The following PPFIA2 variants were observed in gnomAD, a reference collection of about 807,000 sequenced individuals.
PPFIA2 encodes liprin-alpha-2.
Under a neutral mutation model 175.5 loss-of-function variants are expected in PPFIA2, and 46 were observed. The ratio of observed to expected loss-of-function variants is 0.26; its 90% CI spans 0.21 to 0.34. The LOEUF (loss-of-function observed/expected upper bound fraction) is 0.34, where lower values mean the gene tolerates loss of function less well. Among genes scored for constraint, PPFIA2 ranks in the 10% least tolerant of loss-of-function variants. The probability of loss-of-function intolerance (pLI) is 1.00; values close to 1 mark genes in which losing one functional copy is unlikely to be tolerated. For missense variants in PPFIA2, 1,179 were observed against 1,506.1 expected (o/e 0.78, Z 3.60); for synonymous variants, 568 against 511.4 (o/e 1.11, Z -1.49).
At chr12:81,350,221 C>CT (rs1299811239) in intron 17 of PPFIA2, among the ~76,000 whole-genome samples, 1 of 152,102 alleles carries the variant, frequency 6.6e-6, no homozygotes, top group Non-Finnish European at 1.5e-5. Context: ...CGACCATTAG[C>CT]TGAACAGCCT....
At chr12:81,329,354 C>A (rs1490678923) in intron 21 of PPFIA2, among the ~76,000 whole-genome samples, 2 of 152,132 alleles carry the variant, frequency 1.3e-5, no homozygotes, top group Non-Finnish European at 2.9e-5. Flanking sequence ...AGCAAGGCAG[C>A]CTTCTTGCCC....
At chr12:81,300,653 G>C (rs1373255737) in intron 22 of PPFIA2, among the ~76,000 whole-genome samples, 2 of 152,166 alleles carry the variant, frequency 1.3e-5, no homozygotes, top group East Asian at 1.9e-4. Flanking sequence ...CAGCACCTGG[G>C]AAAGGGAACA....
chr12:81,299,118 T>C (rs116850123), intron 23 of PPFIA2, among the ~76,000 whole-genome samples, 183 bp downstream of exon 23: 3,191 of 152,302 alleles, frequency 0.021, 67 homozygotes, highest in South Asian at 0.071. Flanking sequence ...TTTCTTCTAC[T>C]ACGATCACAA....
At position 81,262,026 on chromosome 12, in the gene PPFIA2, G is replaced by C. The variant is rs767353454; in HGVS notation, c.3730C>G (p.Leu1244Val). The C allele has an allele frequency of 1.9e-6, 3 of 1,603,968 alleles. No homozygotes were observed. The East Asian group carries it at 6.7e-5, about 36-fold the overall frequency. ...ACAGTGGAGTTGTCTAACCTCTGCA[G>C]TCTTGATGAAGCAACTGCAAATGGA... Reference protein sequence around the residue: ...KMTTDVASSRLQRLDNSTVRT... With the variant: ...KMTTDVASSRVQRLDNSTVRT... Residue 1244 changes from leucine to valine, a missense_variant, in exon 32 of 33, where the codon CTG becomes GTG. Leu to Val is a conservative substitution (Grantham distance 32, BLOSUM62 1). Transcript: ENST00000549396.
intron 22 of PPFIA2, among the ~76,000 whole-genome samples, chr12:81,309,528 T>G (rs1487547148): frequency 6.6e-6 from 1 of 152,252 alleles, no homozygotes; most frequent in East Asian, 1.9e-4. Context: ...ATTTTGTGTA[T>G]GTGCAAGTGC....
At chr12:81,267,057 C>A (rs1348489775) in intron 29 of PPFIA2, 37 bp from the exon 30 acceptor site, 1 of 1,437,694 alleles carries the variant, frequency 7.0e-7, no homozygotes, top group African/African-American at 1.4e-5. Flanking sequence ...TCACCGAAAT[C>A]ACATTTTATT....
At chr12:81,522,105 AAAG>A (rs1249844774) in intron 4 of PPFIA2, among the ~76,000 whole-genome samples, 1 of 152,216 alleles carries the variant, frequency 6.6e-6, no homozygotes, top group Non-Finnish European at 1.5e-5. Context: ...TATAGATGTG[AAAG>A]AAGCAAAAAT....
chr12:81,460,987 T>C lies in PPFIA2; in HGVS notation c.304-3121A>G, dbSNP rs2054436184. On this transcript the variant is annotated intron_variant, in intron 4 of 32. Coordinates refer to ENST00000549396, the MANE Select transcript of PPFIA2 (RefSeq NM_003625.5). ...TTTCCCCTGACCACATTTTCCCTTC[T>C]GATTTGTGTTTCAATTTTTGGAAAA... Among the ~76,000 whole-genome samples the C allele has an allele frequency of 4.6e-5, 7 of 152,194 alleles. No individual in the cohort carries two copies. In the South Asian group the frequency reaches 1.5e-3, roughly 32 times the overall value.
At chr12:81,325,658 G>T in intron 22 of PPFIA2, 119 bp downstream of exon 22, 1 of 673,264 alleles carries the variant, frequency 1.5e-6, no homozygotes, top group Non-Finnish European at 2.5e-6. Context: ...GGTAGTATCT[G>T]GAAAATATTG....
At chr12:81,344,845 A>G in intron 18 of PPFIA2, 152 bp from the exon 19 acceptor site, 1 of 563,708 alleles carries the variant, frequency 1.8e-6, no homozygotes. Flanking sequence ...TAATTACTAT[A>G]AAAGCACTCC....
intron 22 of PPFIA2, among the ~76,000 whole-genome samples, chr12:81,299,806 A>T (rs2047368044): frequency 6.6e-6 from 1 of 152,248 alleles, no homozygotes; most frequent in South Asian, 2.1e-4. Flanking sequence ...GCTTATATAG[A>T]GAGGCAGAAG....
intron 11 of PPFIA2, among the ~76,000 whole-genome samples, chr12:81,370,737 T>C (rs1055092016): frequency 6.6e-6 from 1 of 151,882 alleles, no homozygotes; most frequent in African/African-American, 2.4e-5. Flanking sequence ...ACATGTGACA[T>C]TGCTGATAGC....
At chr12:81,581,257 G>A (rs2074362534) in intron 4 of PPFIA2, among the ~76,000 whole-genome samples, 1 of 151,340 alleles carries the variant, frequency 6.6e-6, no homozygotes, top group Non-Finnish European at 1.5e-5. Context: ...GGTTGAGCAA[G>A]CCAGGCACAA....
chr12:81,729,533 A>G (rs1251862135), intron 3 of PPFIA2, among the ~76,000 whole-genome samples: 3 of 151,594 alleles, frequency 2.0e-5, no homozygotes, highest in Non-Finnish European at 4.4e-5. Flanking sequence ...AGTAGCCTCA[A>G]GTGCGGTAAA....
intron 4 of PPFIA2, among the ~76,000 whole-genome samples, chr12:81,632,979 C>A (rs2063568087): frequency 6.6e-6 from 1 of 152,024 alleles, no homozygotes; most frequent in Non-Finnish European, 1.5e-5. Flanking sequence ...TTCTGCCTGA[C>A]TAGGAAAAGT....
intron 4 of PPFIA2, among the ~76,000 whole-genome samples, chr12:81,593,884 G>A (rs2058960001): frequency 6.6e-6 from 1 of 152,120 alleles, no homozygotes; most frequent in Non-Finnish European, 1.5e-5. Context: ...ATCCCAACTG[G>A]TGGTACCTGT....
At chr12:81,672,728 C>T (rs1246153285) in intron 4 of PPFIA2, among the ~76,000 whole-genome samples, 1 of 151,864 alleles carries the variant, frequency 6.6e-6, no homozygotes, top group African/African-American at 2.4e-5. Flanking sequence ...AACTGAATAC[C>T]TTCAGTGGTA....
At chr12:81,501,944 C>T (rs1475417735) in intron 4 of PPFIA2, among the ~76,000 whole-genome samples, 2 of 152,028 alleles carry the variant, frequency 1.3e-5, no homozygotes, top group South Asian at 2.1e-4. Flanking sequence ...GGAATATATC[C>T]GAGCCCTGGC....
intron 4 of PPFIA2, among the ~76,000 whole-genome samples, chr12:81,642,765 T>TATATTATATACATGC (rs1253121742): frequency 1.3e-4 from 1 of 7,666 alleles, no homozygotes; most frequent in Non-Finnish European, 2.4e-4. Context: ...CATACATGTA[T>TATATTATATACATGC]ATGTATGTAT....
Sources: allele counts gnomAD v4.1 joint callset (sites outside exome capture counted in the v4.1 genomes callset), GRCh38; gene constraint gnomAD v4.1.1; transcripts MANE v1.5; gene names NCBI Gene and HGNC (gene_info 2026-07-23, HGNC 2026-07-21).